Variants in NBEA observed in about 807,000 individuals in gnomAD.
The protein encoded by NBEA is lysosomal-trafficking regulator 2.
NBEA carries 44 observed loss-of-function variants against 343.4 expected under a neutral mutation model. That is an observed-to-expected ratio of 0.13 (90% CI 0.10 to 0.16). The LOEUF (loss-of-function observed/expected upper bound fraction) is 0.16, where lower values mean the gene tolerates loss of function less well. Ranked by LOEUF, NBEA falls within the 10% of genes least tolerant of loss-of-function variation. The probability of loss-of-function intolerance (pLI) is 1.00; values close to 1 mark genes in which losing one functional copy is unlikely to be tolerated. For synonymous variants in NBEA, 1,175 were observed against 1,238.7 expected, an observed-to-expected ratio of 0.95 and a Z score of 1.08; for missense variants, 2,555 against 3,631.3, an observed-to-expected ratio of 0.70 and a Z score of 7.62.
At position 35,232,541 on chromosome 13, in the gene NBEA, C is replaced by T; in HGVS notation, c.5698C>T (p.Arg1900Cys). The change falls in exon 34 of 59, where the codon CGT (arginine) becomes TGT (cysteine). Residue 1900 changes from arginine to cysteine, a missense_variant. This residue lies in a region of NBEA where 84 missense variants were observed against 196.4 expected (regional missense o/e 0.43). Transcript: ENST00000379939. ...RALEKVAPLL[R>C]EIFVDFAPFL... Reference sequence around the variant, plus strand: ...GTTAGAAAAAGTTGCTCCTCTTCTTCGTGAAATTTTTGTAGACTTTGCCCC... The same window carrying T: ...GTTAGAAAAAGTTGCTCCTCTTCTTTGTGAAATTTTTGTAGACTTTGCCCC... 6.4e-7 allele frequency: 1 copy of T among 1,551,282 alleles called. No homozygotes were observed. The highest frequency in any genetic ancestry group is 8.7e-7 in the Non-Finnish European group (1 of 1,146,228).
At chr13:35,057,861 A>G (rs563613522) in intron 7 of NBEA, among the ~76,000 whole-genome samples, 12 of 152,176 alleles carry the variant, frequency 7.9e-5, no homozygotes, top group Non-Finnish European at 1.8e-4. Context: ...CCATACTTCT[A>G]ATTAAAGATT....
intron 7 of NBEA, among the ~76,000 whole-genome samples, chr13:35,057,640 C>T (rs2063319486): frequency 6.6e-6 from 1 of 152,078 alleles, no homozygotes; most frequent in Non-Finnish European, 1.5e-5. Flanking sequence ...AGATGAAATT[C>T]TGCTTTTTAT....
intron 13 of NBEA, among the ~76,000 whole-genome samples, chr13:35,114,647 C>A (rs1319113842): frequency 6.6e-6 from 1 of 152,076 alleles, no homozygotes; most frequent in Non-Finnish European, 1.5e-5. Context: ...CTCCATAGAA[C>A]CCTTGCCCCT....
Position 35,071,471 on chromosome 13 carries a change from C to T in NBEA, c.1571+619C>T, listed in dbSNP as rs1052286994. Among the ~76,000 whole-genome samples the T allele has an allele frequency of 2.6e-5, 4 of 151,502 alleles. No homozygotes were observed. In the East Asian group the frequency reaches 5.8e-4, roughly 22 times the overall value. On this transcript the variant is annotated intron_variant, in intron 10 of 58. Coordinates refer to ENST00000379939, the MANE Select transcript of NBEA (RefSeq NM_001385012.1). ...TAGTTTCTCTTTTATTAAAAAAAAC[C>T]TTATGTGCCAGACTCTAATTTAATG... is the stretch of plus-strand genomic sequence containing the variant.
chr13:35,177,878 G>A (rs964159542), intron 28 of NBEA, among the ~76,000 whole-genome samples: 2 of 151,492 alleles, frequency 1.3e-5, no homozygotes, highest in African/African-American at 2.4e-5. Flanking sequence ...TAAATTGAAT[G>A]GCATGCTTTG....
chr13:35,513,477 T>C (rs1000488340), intron 41 of NBEA, among the ~76,000 whole-genome samples: 4 of 151,878 alleles, frequency 2.6e-5, no homozygotes, highest in Non-Finnish European at 4.4e-5. Context: ...ACATTGCCTG[T>C]TGGGAGTTCA....
At chr13:35,163,189 A>G (rs1403052085) in intron 23 of NBEA, among the ~76,000 whole-genome samples, 1 of 152,102 alleles carries the variant, frequency 6.6e-6, no homozygotes, top group East Asian at 1.9e-4. Context: ...AATTTAATGT[A>G]ATTTAAATTT....
intron 1 of NBEA, among the ~76,000 whole-genome samples, chr13:34,970,395 T>G (rs1159105110): frequency 6.6e-6 from 1 of 151,290 alleles, no homozygotes; most frequent in African/African-American, 2.4e-5. Flanking sequence ...GAAGCTCTTA[T>G]TTGTCAATTT....
chr13:35,431,153 G>A (rs2045084357), intron 38 of NBEA, among the ~76,000 whole-genome samples: 1 of 151,704 alleles, frequency 6.6e-6, no homozygotes. Flanking sequence ...TGAATATTTA[G>A]TAAAAACATA....
chr13:35,060,610 G>T (rs944101443), intron 8 of NBEA, among the ~76,000 whole-genome samples: 8 of 151,688 alleles, frequency 5.3e-5, no homozygotes, highest in African/African-American at 1.5e-4. Context: ...GTTAGCTTGG[G>T]TTGATGATAA....
At chr13:35,382,507 A>G (rs567828376) in intron 38 of NBEA, among the ~76,000 whole-genome samples, 1 of 152,284 alleles carries the variant, frequency 6.6e-6, no homozygotes, top group South Asian at 2.1e-4. Flanking sequence ...TTTGGGGAGT[A>G]TACTGCATTT....
At chr13:35,232,668 T>C (rs1010330402) in intron 34 of NBEA, 49 bp downstream of exon 34, 21 of 1,293,562 alleles carry the variant, frequency 1.6e-5, no homozygotes, top group Non-Finnish European at 2.2e-5. Flanking sequence ...ATGTATGTAT[T>C]AATCATGGCA....
chr13:35,044,150 A>G (rs564634620), intron 2 of NBEA, among the ~76,000 whole-genome samples: 2 of 152,290 alleles, frequency 1.3e-5, no homozygotes, highest in Non-Finnish European at 2.9e-5. Context: ...TCACACTAGC[A>G]TGATGGATAC....
Position 35,468,137 on chromosome 13 carries a change from T to C in NBEA, c.6449-4263T>C, listed in dbSNP as rs1016747149. Among the ~76,000 whole-genome samples, 4 of 72,846 alleles carry C rather than the reference T, an allele frequency of 5.5e-5. No individual in the cohort carries two copies. The East Asian group carries it at 2.0e-3, about 37-fold the overall frequency. 47.8% of individuals were successfully genotyped at this position (72,846 alleles called of 152,430 possible). ...CCCCCCCACTCCCCTCCCCTGAAAA[T>C]GATTAATCCCTGCAATTGAGAAAAA... On this transcript the variant is annotated intron_variant, in intron 40 of 58. Coordinates refer to ENST00000379939, the MANE Select transcript of NBEA (RefSeq NM_001385012.1).
chr13:35,106,855 A>G (rs939491502), intron 11 of NBEA, among the ~76,000 whole-genome samples: 5 of 151,716 alleles, frequency 3.3e-5, no homozygotes, highest in African/African-American at 7.3e-5. Flanking sequence ...ACTTGTTTCT[A>G]TATTATGAAT....
At chr13:35,301,814 C>T (rs542166380) in intron 35 of NBEA, among the ~76,000 whole-genome samples, 27 of 152,246 alleles carry the variant, frequency 1.8e-4, no homozygotes, top group Non-Finnish European at 2.6e-4. Flanking sequence ...AGTGTAAAAG[C>T]GTTCCTATTG....
At chr13:35,375,204 G>A (rs1313042318) in intron 38 of NBEA, among the ~76,000 whole-genome samples, 6 of 152,040 alleles carry the variant, frequency 3.9e-5, no homozygotes, top group South Asian at 4.2e-4. Flanking sequence ...ACTAGTTTTC[G>A]TGTTTATTTG....
At chr13:35,490,865 A>C (rs918996423) in intron 41 of NBEA, among the ~76,000 whole-genome samples, 4 of 151,954 alleles carry the variant, frequency 2.6e-5, no homozygotes, top group Non-Finnish European at 4.4e-5. Flanking sequence ...AGGAGTTAGC[A>C]GAGTTAAGAT....
intron 1 of NBEA, among the ~76,000 whole-genome samples, chr13:34,996,821 T>C (rs935230991): frequency 9.9e-5 from 15 of 152,170 alleles, no homozygotes; most frequent in African/African-American, 3.1e-4. Context: ...AAGTAAATAG[T>C]ATACATGCTC....
Sources: gnomAD v4.1 joint callset for allele counts (sites outside exome capture counted in the v4.1 genomes callset) on GRCh38, gnomAD v4.1.1 for gene constraint, gnomAD v4.1.1 regional missense constraint, MANE v1.5 for transcripts, NCBI Gene and HGNC (gene_info 2026-07-23, HGNC 2026-07-21) for gene names.